Variants in XKR9 observed in about 807,000 individuals in gnomAD.
XKR9 encodes the protein XK related 9, also known as XK-related protein 9.
Under a neutral mutation model 32.0 loss-of-function variants are expected in XKR9, and 32 were observed. The observed-to-expected ratio is 1.00, with a 90% confidence interval of 0.76 to 1.34. The LOEUF (loss-of-function observed/expected upper bound fraction) is 1.34, where lower values mean the gene tolerates loss of function less well. Among genes scored for constraint, XKR9 ranks in the 40% most tolerant of loss-of-function variants. The pLI is 0.00. For missense variants in XKR9, 546 were observed against 429.7 expected (o/e 1.27, Z -2.39); for synonymous variants, 168 against 143.4 (o/e 1.17, Z -1.22).
At chr8:70,820,883 G>T in the XKR9 span, among the ~76,000 whole-genome samples, 1 of 152,190 alleles carries the variant, frequency 6.6e-6, no homozygotes, top group South Asian at 2.1e-4. Flanking sequence ...TTTGGGTGGG[G>T]ACACAAAGCC....
the XKR9 span, among the ~76,000 whole-genome samples, chr8:71,045,272 G>A: frequency 2.0e-5 from 3 of 152,066 alleles, no homozygotes; most frequent in South Asian, 2.1e-4. Flanking sequence ...AGCTTGTCAC[G>A]TGCTTGTCTG....
chr8:71,008,298 TA>T, the XKR9 span, among the ~76,000 whole-genome samples: 1 of 152,174 alleles, frequency 6.6e-6, no homozygotes, highest in East Asian at 1.9e-4. Context: ...TATGTCCCAA[TA>T]AAAATGTCCA....
chr8:70,916,246 T>A, the XKR9 span, among the ~76,000 whole-genome samples: 4 of 152,234 alleles, frequency 2.6e-5, no homozygotes, highest in Non-Finnish European at 4.4e-5. Flanking sequence ...CCTCCTGCAA[T>A]TTTCCTATGC....
At chr8:70,931,095 A>G in the XKR9 span, among the ~76,000 whole-genome samples, 1 of 152,110 alleles carries the variant, frequency 6.6e-6, no homozygotes, top group South Asian at 2.1e-4. Context: ...TTAAATAAAT[A>G]TCCACATAGT....
the XKR9 span, among the ~76,000 whole-genome samples, chr8:71,044,026 C>A: frequency 9.0e-3 from 1,377 of 152,200 alleles, 23 homozygotes; most frequent in African/African-American, 0.031. Flanking sequence ...AAAGAAACTG[C>A]AACATGCAAG....
the XKR9 span, among the ~76,000 whole-genome samples, chr8:70,969,517 G>A: frequency 6.6e-6 from 1 of 152,176 alleles, no homozygotes; most frequent in Non-Finnish European, 1.5e-5. Context: ...GAATGTAAAT[G>A]TGAGTGGACA....
the XKR9 span, among the ~76,000 whole-genome samples, chr8:70,813,234 A>T: frequency 6.6e-6 from 1 of 152,260 alleles, no homozygotes; most frequent in Non-Finnish European, 1.5e-5. Context: ...AAAACTGGCT[A>T]GCCATATGTA....
the XKR9 span, among the ~76,000 whole-genome samples, chr8:70,876,040 A>T: frequency 1.3e-5 from 2 of 152,144 alleles, no homozygotes; most frequent in Non-Finnish European, 2.9e-5. Flanking sequence ...TTTAAACTTT[A>T]TGTTTAAAAC....
intron 3 of XKR9, among the ~76,000 whole-genome samples, chr8:70,692,066 G>A (rs1465204424): frequency 6.6e-6 from 1 of 152,036 alleles, no homozygotes; most frequent in Non-Finnish European, 1.5e-5. Flanking sequence ...TCATTTGCTT[G>A]TGTCTTCTTT....
chr8:70,918,757 A>G, the XKR9 span, among the ~76,000 whole-genome samples: 10 of 138,994 alleles, frequency 7.2e-5, no homozygotes, highest in African/African-American at 2.4e-4. Context: ...ATCCAAATAG[A>G]TCATGGGATC....
chr8:70,862,172 C>T, the XKR9 span, among the ~76,000 whole-genome samples: 1 of 151,992 alleles, frequency 6.6e-6, no homozygotes, highest in Admixed American at 6.6e-5. Flanking sequence ...CCCTGGAGAA[C>T]AAAGTCAACT....
Position 70,762,345 on chromosome 8 carries a change from C to T in XKR9, n.353-26994C>T, listed in dbSNP as rs551266895. 3.9e-4 allele frequency among the ~76,000 whole-genome samples: 60 copies of T among 152,266 alleles called. 1 individual carries two copies. Among genetic ancestry groups the T allele is most frequent in the Non-Finnish European group, 5.7e-4 (39 of 68,006 alleles). On this transcript the variant is annotated intron_variant and non_coding_transcript_variant, in intron 2 of 3. Coordinates refer to the XKR9 transcript ENST00000520273. ...CCAGGAGTCACCAACCCCTGGGCAA[C>T]GGACTGCCAGTTCGTGGCATATTAG... is the stretch of plus-strand genomic sequence containing the variant.
At chr8:70,987,001 G>A in the XKR9 span, among the ~76,000 whole-genome samples, 1 of 152,122 alleles carries the variant, frequency 6.6e-6, no homozygotes, top group African/African-American at 2.4e-5. Context: ...AGAAACCCCT[G>A]ATAAAACCAC....
intron 2 of XKR9, among the ~76,000 whole-genome samples, chr8:70,749,783 G>GAA (rs1554554042): frequency 6.6e-6 from 1 of 152,224 alleles, no homozygotes; most frequent in Non-Finnish European, 1.5e-5. Flanking sequence ...GTTTCTGGCT[G>GAA]GTGACAGACC....
chr8:70,755,524 G>T, intron 2 of XKR9, among the ~76,000 whole-genome samples: 1 of 152,056 alleles, frequency 6.6e-6, no homozygotes, highest in Non-Finnish European at 1.5e-5. Flanking sequence ...GTCCAACAAT[G>T]ATAGACTGGA....
intron 2 of XKR9, among the ~76,000 whole-genome samples, chr8:70,680,078 G>T (rs268634): frequency 6.6e-6 from 1 of 151,612 alleles, no homozygotes. Context: ...ACTCTCAACC[G>T]CCTTCCTCTC....
At chr8:70,744,831 C>G (rs563161690) in intron 2 of XKR9, among the ~76,000 whole-genome samples, 2 of 133,314 alleles carry the variant, frequency 1.5e-5, no homozygotes, top group African/African-American at 5.4e-5. Context: ...GTCTTAAACT[C>G]TTGGCCTCAA....
the XKR9 span, among the ~76,000 whole-genome samples, chr8:70,941,833 C>T: frequency 1.3e-5 from 2 of 152,084 alleles, no homozygotes; most frequent in Non-Finnish European, 2.9e-5. Context: ...TAAGAGTCTA[C>T]CTGTTGAGCT....
chr8:71,026,284 A>G, the XKR9 span, among the ~76,000 whole-genome samples: 1 of 152,080 alleles, frequency 6.6e-6, no homozygotes, highest in African/African-American at 2.4e-5. Flanking sequence ...CCTACTTCCA[A>G]TGGTTTGTCA....
Sources: allele counts gnomAD v4.1 joint callset (sites outside exome capture counted in the v4.1 genomes callset), GRCh38; gene constraint gnomAD v4.1.1; transcripts MANE v1.5; gene names NCBI Gene and HGNC (gene_info 2026-07-23, HGNC 2026-07-21).